OSCP1: variants seen among roughly 807,000 people sequenced by gnomAD.
The protein encoded by OSCP1 is organic solute carrier partner 1.
In OSCP1, 35 loss-of-function variants were observed where a neutral mutation model predicts 45.1. The ratio of observed to expected loss-of-function variants is 0.78; its 90% CI spans 0.59 to 1.03. OSCP1 has a LOEUF of 1.03. Ranked by LOEUF, OSCP1 falls within the 50% of genes least tolerant of loss-of-function variation. The pLI, the probability that OSCP1 is intolerant of heterozygous loss-of-function variation, is 0.00. For missense variants in OSCP1, 400 were observed against 470.7 expected, an observed-to-expected ratio of 0.85 and a Z score of 1.39; for synonymous variants, 179 against 180.1, an observed-to-expected ratio of 0.99 and a Z score of 0.05.
chr1:36,430,643 G>C (rs534313580), intron 4 of OSCP1, among the ~76,000 whole-genome samples: 1 of 150,734 alleles, frequency 6.6e-6, no homozygotes, highest in Non-Finnish European at 1.5e-5. Flanking sequence ...TGACAAGGCC[G>C]ACTCTATTTT....
intron 4 of OSCP1, among the ~76,000 whole-genome samples, chr1:36,431,520 C>T (rs1370374880): frequency 6.6e-6 from 1 of 152,090 alleles, no homozygotes; most frequent in Admixed American, 6.6e-5. Context: ...TGAGATCAGG[C>T]TGTTGACTTG....
chr1:36,420,425 G>A (rs1647547232), intron 8 of OSCP1, 51 bp downstream of exon 8: 1 of 1,576,166 alleles, frequency 6.3e-7, no homozygotes. Flanking sequence ...TTGTGTTCTT[G>A]TCATGCTTGG....
intron 4 of OSCP1, among the ~76,000 whole-genome samples, chr1:36,426,179 A>T (rs546968704): frequency 6.6e-6 from 1 of 152,214 alleles, no homozygotes; most frequent in Non-Finnish European, 1.5e-5. Flanking sequence ...GAATATTTAT[A>T]TGTGCTAGAA....
At chr1:36,423,338 G>C in intron 5 of OSCP1, 25 bp downstream of exon 5, 1 of 1,551,700 alleles carries the variant, frequency 6.4e-7, no homozygotes, top group Non-Finnish European at 8.9e-7. Flanking sequence ...CCCAAACATA[G>C]CTCTGATCAT....
intron 4 of OSCP1, among the ~76,000 whole-genome samples, chr1:36,425,772 T>C (rs1323312403): frequency 6.7e-6 from 1 of 150,140 alleles, no homozygotes; most frequent in Non-Finnish European, 1.5e-5. Flanking sequence ...ACATAGACTA[T>C]GTGCTCAATA....
intron 4 of OSCP1, among the ~76,000 whole-genome samples, chr1:36,427,456 C>T (rs1319406464): frequency 6.6e-6 from 1 of 151,790 alleles, no homozygotes; most frequent in African/African-American, 2.4e-5. Flanking sequence ...AGCCATCACT[C>T]CCAGTCAGAA....
At chr1:36,432,753 A>G (rs189494216) in intron 2 of OSCP1, among the ~76,000 whole-genome samples, 164 bp from the exon 3 acceptor site, 4 of 152,316 alleles carry the variant, frequency 2.6e-5, no homozygotes, top group Non-Finnish European at 5.9e-5. Context: ...CACTTCTGAG[A>G]GTCAAGGCGG....
At chr1:36,441,247 T>A (rs1349690695) in intron 1 of OSCP1, among the ~76,000 whole-genome samples, 1 of 152,148 alleles carries the variant, frequency 6.6e-6, no homozygotes, top group African/African-American at 2.4e-5. Flanking sequence ...CCTCTTCTCG[T>A]TTCACTCTTT....
rs150459319 is a variant in OSCP1, at chr1:36,420,499, G to C, written c.936C>G (p.Leu312=). ...SGPEPGFRLN[L]FTTDEEEEQA... is the part of the protein sequence containing the mutation. The stretch of plus-strand genomic sequence containing the variant: ...ACTCCTCTTCTTCATCGGTGGTAAA[G>C]AGATTCAACCGGAATCCGGGCTCAG... Residue 312 remains leucine (L), a synonymous_variant, in exon 8 of 10, where the codon CTC becomes CTG. Coordinates refer to ENST00000235532, the MANE Select transcript of OSCP1 (RefSeq NM_145047.5). 1.2e-6 allele frequency: 2 copies of C among 1,614,050 alleles called. No homozygotes were observed. Among genetic ancestry groups the C allele is most frequent in the South Asian group, 2.2e-5 (2 of 91,076 alleles).
chr1:36,428,401 A>G, intron 4 of OSCP1: 1 of 1,614,136 alleles, frequency 6.2e-7, no homozygotes, highest in African/African-American at 1.3e-5. Flanking sequence ...TGTCCTCCAT[A>G]TAGTTCCCCA....
At chr1:36,427,545 T>C (rs1241979072) in intron 4 of OSCP1, among the ~76,000 whole-genome samples, 1 of 143,580 alleles carries the variant, frequency 7.0e-6, no homozygotes. Flanking sequence ...TCTCGATCTC[T>C]TGACCTTGTG....
At chr1:36,440,876 C>CT (rs1469520594) in intron 1 of OSCP1, 2 of 152,206 alleles carry the variant, frequency 1.3e-5, no homozygotes, top group African/African-American at 4.8e-5. Flanking sequence ...CACATCAACT[C>CT]TGGTTAGGTT....
At chr1:36,444,413 C>G (rs151035572) in intron 1 of OSCP1, among the ~76,000 whole-genome samples, 2,474 of 152,156 alleles carry the variant, frequency 0.016, 25 homozygotes, top group Middle Eastern at 0.044. Flanking sequence ...AAGAATAATT[C>G]CAAGAACAGG....
chr1:36,420,225 C>T (rs1647532147), intron 8 of OSCP1: 1 of 335,914 alleles, frequency 3.0e-6, no homozygotes, highest in Non-Finnish European at 5.3e-6. Context: ...ATCCGCCTGC[C>T]TTGGCCTCCC....
intron 9 of OSCP1, among the ~76,000 whole-genome samples, chr1:36,418,764 A>C (rs35162213): frequency 1.3e-3 from 51 of 38,592 alleles, no homozygotes; most frequent in South Asian, 3.3e-3. Context: ...TAAAAATACA[A>C]AAAAAAAAAA....
intron 2 of OSCP1, among the ~76,000 whole-genome samples, chr1:36,437,514 A>G (rs1222768727): frequency 3.3e-5 from 5 of 151,818 alleles, no homozygotes; most frequent in African/African-American, 4.8e-5. Flanking sequence ...AAAATTGTTT[A>G]TTTATTTTAC....
chr1:36,429,679 T>C (rs1280407436), intron 4 of OSCP1, among the ~76,000 whole-genome samples: 1 of 151,842 alleles, frequency 6.6e-6, no homozygotes, highest in Non-Finnish European at 1.5e-5. Context: ...CATGCCTGGC[T>C]AATTTTTGTT....
At chr1:36,431,995 T>G in intron 3 of OSCP1, 113 bp from the exon 4 acceptor site, 2 of 895,174 alleles carry the variant, frequency 2.2e-6, no homozygotes, top group South Asian at 1.7e-5. Flanking sequence ...AGGAGAGGAC[T>G]GGGCTGCTGG....
chr1:36,420,978 G>T (rs1647585488), intron 7 of OSCP1, among the ~76,000 whole-genome samples: 1 of 151,972 alleles, frequency 6.6e-6, no homozygotes, highest in South Asian at 2.1e-4. Context: ...CCTTCCAGAG[G>T]CGCTGCCACA....
Sources: allele counts gnomAD v4.1 joint callset (sites outside exome capture counted in the v4.1 genomes callset), GRCh38; gene constraint gnomAD v4.1.1; transcripts MANE v1.5; gene names NCBI Gene and HGNC (gene_info 2026-07-23, HGNC 2026-07-21).